ORMDL1: variants seen among roughly 807,000 people sequenced by gnomAD.
The protein encoded by ORMDL1 is ORMDL sphingolipid biosynthesis regulator 1, also known as ORM1-like protein 1.
Under a neutral mutation model 13.0 loss-of-function variants are expected in ORMDL1, and 10 were observed. That is an observed-to-expected ratio of 0.77 (90% CI 0.47 to 1.30). ORMDL1 has a LOEUF of 1.30. Ranked by LOEUF, ORMDL1 falls within the 50% of genes most tolerant of loss-of-function variation. ORMDL1 has a pLI of 0.00. For missense variants in ORMDL1, 171 were observed against 186.7 expected (o/e 0.92, Z 0.49); for synonymous variants, 61 against 63.9 (o/e 0.95, Z 0.22).
chr2:189,770,069 G>A (rs1312484517), downstream of ORMDL1, among the ~76,000 whole-genome samples: 1 of 152,138 alleles, frequency 6.6e-6, no homozygotes, highest in Non-Finnish European at 1.5e-5. Flanking sequence ...CTGTTACAGA[G>A]TGGGCCCTTC....
chr2:189,780,394 A>G (rs2047797078), intron 3 of ORMDL1, among the ~76,000 whole-genome samples: 2 of 152,184 alleles, frequency 1.3e-5, no homozygotes, highest in South Asian at 4.1e-4. Context: ...TGGCCTTTAG[A>G]TAAGATTAGT....
At chr2:189,767,636 G>A (rs1163838020), downstream of ORMDL1, among the ~76,000 whole-genome samples, 3 of 152,072 alleles carry the variant, frequency 2.0e-5, no homozygotes, top group African/African-American at 7.2e-5. Context: ...TTGTATTTAA[G>A]ATTATTTTAT....
intron 3 of ORMDL1, among the ~76,000 whole-genome samples, chr2:189,778,725 T>C (rs561349144): frequency 1.3e-5 from 2 of 152,136 alleles, no homozygotes; most frequent in Admixed American, 1.3e-4. Context: ...TGAAACCCCA[T>C]CTGTACTAAA....
chr2:189,764,839 TTC>T, the ORMDL1 span: 4 of 151,756 alleles, frequency 2.6e-5, no homozygotes, highest in Admixed American at 2.6e-4. Flanking sequence ...ATAAGAATCT[TTC>T]TTTTTTTTTT....
Position 189,775,600 on chromosome 2 carries a change from A to G in ORMDL1, c.291T>C (p.Ser97=). Residue 97 remains serine, a synonymous_variant, in exon 4 of 5, where the codon TCT becomes TCC. Coordinates refer to ENST00000392349, the MANE Select transcript of ORMDL1 (RefSeq NM_016467.5). The part of the protein sequence containing the change: ...EQLDYGVQFT[S]SRKFFTISPI... ...GAGAAATTGTGAAAAACTTCCGTGA[A>G]GATGTAAACTGTACTCCATAGTCCA... 6.2e-7 allele frequency: 1 copy of G among 1,606,526 alleles called. No homozygotes were observed. The highest frequency in any genetic ancestry group is 8.5e-7 in the Non-Finnish European group (1 of 1,176,868).
intron 3 of ORMDL1, among the ~76,000 whole-genome samples, chr2:189,781,568 A>G (rs1422329187): frequency 6.6e-6 from 1 of 152,182 alleles, no homozygotes; most frequent in Non-Finnish European, 1.5e-5. Flanking sequence ...GATTAAGTTC[A>G]AAACTTAAAT....
intron 4 of ORMDL1, among the ~76,000 whole-genome samples, chr2:189,773,231 T>C (rs2047617445): frequency 1.3e-5 from 2 of 152,218 alleles, no homozygotes; most frequent in Admixed American, 6.5e-5. Context: ...TGAAAATTAC[T>C]TGACTCTTTC....
chr2:189,771,710 C>A lies in ORMDL1; in HGVS notation c.*57G>T, dbSNP rs539543944. 1 of 1,456,558 alleles carries A rather than the reference C, an allele frequency of 6.9e-7. No individual in the cohort carries two copies. The highest frequency in any genetic ancestry group is 1.3e-5 in the South Asian group (1 of 76,454). 90.2% of individuals were successfully genotyped at this position (1,456,558 alleles called of 1,614,324 possible). A position where few individuals can be genotyped will look rare whatever the true frequency, so the allele number is the denominator to read the frequency against. ...CAGAAACAGTGCAGTTTACTAACCA[C>A]TCCTTCCTTATAAGAAATTCAGTAG... On this transcript the variant is annotated 3_prime_UTR_variant, in exon 5 of 5. Coordinates refer to ENST00000392349, the MANE Select transcript of ORMDL1 (RefSeq NM_016467.5).
At chr2:189,784,132 T>G (rs2048019321) in intron 1 of ORMDL1, 137 bp downstream of exon 1, 1 of 152,334 alleles carries the variant, frequency 6.6e-6, no homozygotes, top group Non-Finnish European at 1.5e-5. Context: ...TGAGGCCACT[T>G]GGCTCTTACG....
At chr2:189,778,591 G>A (rs977851674) in intron 3 of ORMDL1, among the ~76,000 whole-genome samples, 11 of 151,808 alleles carry the variant, frequency 7.2e-5, no homozygotes, top group Non-Finnish European at 1.5e-4. Flanking sequence ...AGGAGGGAGA[G>A]GTATTAAAAT....
At chr2:189,780,744 A>G (rs550905414) in intron 3 of ORMDL1, among the ~76,000 whole-genome samples, 38 of 152,336 alleles carry the variant, frequency 2.5e-4, no homozygotes, top group Admixed American at 9.1e-4. Context: ...AAGTGAGATG[A>G]TTAGTGTAAA....
At chr2:189,778,095 G>T in intron 3 of ORMDL1, 2 of 440,352 alleles carry the variant, frequency 4.5e-6, no homozygotes, top group African/African-American at 2.0e-5. Flanking sequence ...ACACGGTTAG[G>T]GGGTGGTGGT....
chr2:189,770,761 G>T lies in ORMDL1; in HGVS notation c.*1006C>A, dbSNP rs1180234301. On this transcript the variant is annotated 3_prime_UTR_variant, in exon 5 of 5. Coordinates refer to ENST00000392349, the MANE Select transcript of ORMDL1 (RefSeq NM_016467.5). ...CCACGTATTCAAAGGCAAAATATGG[G>T]GGTTGAGAGCAGGAGGACTAAGAAA... 1 of 152,022 alleles carries T rather than the reference G, an allele frequency of 6.6e-6. No individual in the cohort carries two copies. Among genetic ancestry groups the T allele is most frequent in the Non-Finnish European group, 1.5e-5 (1 of 67,998 alleles). The allele number at this position is 152,022 out of a possible 1,614,324, so 9.4% of individuals were successfully genotyped here.
At chr2:189,766,490 G>A (rs2047485112), downstream of ORMDL1, among the ~76,000 whole-genome samples, 1 of 152,186 alleles carries the variant, frequency 6.6e-6, no homozygotes. Context: ...CACTTTGGGA[G>A]GCTGAGGTGG....
chr2:189,784,191 G>A (rs1027976331), intron 1 of ORMDL1, 78 bp downstream of exon 1: 1 of 152,370 alleles, frequency 6.6e-6, no homozygotes, highest in Non-Finnish European at 1.5e-5. Context: ...TTCCCTCTCA[G>A]GACGACCCCT....
intron 1 of ORMDL1, chr2:189,783,988 C>G (rs1159760973): frequency 6.6e-6 from 1 of 152,484 alleles, no homozygotes; most frequent in African/African-American, 2.4e-5. Context: ...GCGCTCTGGG[C>G]CAGAGAAAAC....
At chr2:189,769,576 G>A (rs977218197), downstream of ORMDL1, among the ~76,000 whole-genome samples, 2 of 152,028 alleles carry the variant, frequency 1.3e-5, no homozygotes, top group Non-Finnish European at 2.9e-5. Flanking sequence ...AAGGATGGGG[G>A]CAGGTCAAAG....
chr2:189,767,569 A>G (rs2047502775), downstream of ORMDL1, among the ~76,000 whole-genome samples: 3 of 152,244 alleles, frequency 2.0e-5, no homozygotes, highest in Non-Finnish European at 1.5e-5. Context: ...TTCATACTTT[A>G]TATCTTAAAA....
downstream of ORMDL1, among the ~76,000 whole-genome samples, chr2:189,765,951 T>C (rs1379416204): frequency 6.7e-6 from 1 of 149,738 alleles, no homozygotes; most frequent in Non-Finnish European, 1.5e-5. Flanking sequence ...CCCAGCCTCC[T>C]GAGTAGCTGG....
Sources: gnomAD v4.1 joint callset for allele counts (sites outside exome capture counted in the v4.1 genomes callset) on GRCh38, gnomAD v4.1.1 for gene constraint, MANE v1.5 for transcripts, NCBI Gene and HGNC (gene_info 2026-07-23, HGNC 2026-07-21) for gene names.